The following PDE1C variants were observed in gnomAD, a reference collection of about 807,000 sequenced individuals.
PDE1C encodes phosphodiesterase 1C, also known as dual specificity calcium/calmodulin-dependent 3',5'-cyclic nucleotide phosphodiesterase 1C.
Under a neutral mutation model 93.1 loss-of-function variants are expected in PDE1C, and 62 were observed. The observed-to-expected ratio is 0.67, with a 90% confidence interval of 0.54 to 0.82. The LOEUF (loss-of-function observed/expected upper bound fraction) is 0.82, where lower values mean the gene tolerates loss of function less well. Ranked by LOEUF, PDE1C falls within the 40% of genes least tolerant of loss-of-function variation. The pLI is 0.00. For synonymous variants in PDE1C, 325 were observed against 310.1 expected (o/e 1.05, Z -0.50); for missense variants, 742 against 884.6 (o/e 0.84, Z 2.04).
intron 2 of PDE1C, among the ~76,000 whole-genome samples, chr7:32,189,117 A>G (rs1804066089): frequency 6.6e-6 from 1 of 152,178 alleles, no homozygotes; most frequent in African/African-American, 2.4e-5. Context: ...GCAGTGGATC[A>G]CTATATAGTG....
At chr7:31,709,454 C>G in the PDE1C span, among the ~76,000 whole-genome samples, 2 of 152,170 alleles carry the variant, frequency 1.3e-5, no homozygotes, top group Non-Finnish European at 2.9e-5. Flanking sequence ...TTTAAAGACA[C>G]CTTCAGAGTT....
intron 1 of PDE1C, among the ~76,000 whole-genome samples, chr7:32,387,732 C>T (rs1784665340): frequency 7.5e-6 from 1 of 133,298 alleles, no homozygotes; most frequent in Non-Finnish European, 1.6e-5. Flanking sequence ...CAGAGGGGCT[C>T]CTCACTTCCC....
intron 1 of PDE1C, among the ~76,000 whole-genome samples, chr7:32,388,353 TCTGTCAATCC>T (rs1784680437): frequency 6.6e-6 from 1 of 152,086 alleles, no homozygotes; most frequent in Non-Finnish European, 1.5e-5. Flanking sequence ...TCTGGAGTCA[TCTGTCAATCC>T]CTAGAAGTTT....
intron 1 of PDE1C, among the ~76,000 whole-genome samples, chr7:32,330,424 G>A (rs943353092): frequency 1.3e-5 from 2 of 152,228 alleles, no homozygotes; most frequent in African/African-American, 4.8e-5. Flanking sequence ...AGCTCGCAGT[G>A]CTAAGCACAG....
chr7:31,963,721 G>A (rs1036498764), intron 2 of PDE1C, among the ~76,000 whole-genome samples: 1 of 152,192 alleles, frequency 6.6e-6, no homozygotes, highest in African/African-American at 2.4e-5. Context: ...TTCCTTGCAA[G>A]AGACAGAAAT....
At chr7:32,143,172 A>T (rs1800634406) in intron 3 of PDE1C, among the ~76,000 whole-genome samples, 1 of 151,960 alleles carries the variant, frequency 6.6e-6, no homozygotes, top group Admixed American at 6.6e-5. Flanking sequence ...AGATTTAGAA[A>T]AATGAGTCTG....
At chr7:32,095,670 A>C (rs772364401) in intron 3 of PDE1C, among the ~76,000 whole-genome samples, 1 of 152,218 alleles carries the variant, frequency 6.6e-6, no homozygotes, top group Non-Finnish European at 1.5e-5. Flanking sequence ...TGCTTCTAGC[A>C]TGTGCAATCT....
In PDE1C at chr7:31,753,456, C is replaced by A. The variant is rs746142469; in HGVS notation, c.2058G>T (p.Arg686Ser). ...TGATCCTCTGATCCAGCATCTTGTA[C>A]CTTGCAGGATGCTCATCAGTTTTCT... is the stretch of plus-strand genomic sequence containing the variant. Reference protein sequence around the residue: ...VSKKTDEHPARYKMLDQRIKM... With the variant: ...VSKKTDEHPASYKMLDQRIKM... The change falls in exon 18 of 18, where the codon AGG becomes AGT. Residue 686 changes from arginine to serine, a missense_variant. Transcript: ENST00000396191. The A allele has an allele frequency of 6.2e-7, 1 of 1,612,482 alleles. No individual in the cohort carries two copies. The highest frequency in any genetic ancestry group is 1.3e-5 in the African/African-American group (1 of 74,920).
chr7:31,776,527 G>C (rs531960598), intron 16 of PDE1C, among the ~76,000 whole-genome samples: 1 of 152,064 alleles, frequency 6.6e-6, no homozygotes, highest in Non-Finnish European at 1.5e-5. Flanking sequence ...GCAGAATAAA[G>C]GGACAAAGGG....
upstream of PDE1C, among the ~76,000 whole-genome samples, chr7:32,302,865 A>G (rs1272136726): frequency 1.3e-5 from 2 of 152,224 alleles, no homozygotes; most frequent in Admixed American, 1.3e-4. Flanking sequence ...CCAACAGCCA[A>G]TAGTCCAAGA....
the PDE1C span, chr7:31,651,040 G>A: frequency 1.5e-6 from 2 of 1,355,350 alleles, no homozygotes; most frequent in Non-Finnish European, 2.0e-6. Flanking sequence ...GGGCCTGTTT[G>A]CGAAAAAAGG....
chr7:32,054,072 C>T (rs1047476266), intron 1 of PDE1C, among the ~76,000 whole-genome samples: 21 of 151,162 alleles, frequency 1.4e-4, no homozygotes, highest in Non-Finnish European at 1.9e-4. Flanking sequence ...CTGGCAAGTG[C>T]TAAGGACAGA....
chr7:31,939,376 G>C (rs1805524582), intron 2 of PDE1C, among the ~76,000 whole-genome samples: 1 of 152,144 alleles, frequency 6.6e-6, no homozygotes, highest in African/African-American at 2.4e-5. Context: ...GCTCTCATTT[G>C]ACAAGAGTTA....
intron 3 of PDE1C, among the ~76,000 whole-genome samples, chr7:32,120,492 A>AC (rs1186747605): frequency 6.6e-6 from 1 of 152,062 alleles, no homozygotes; most frequent in Non-Finnish European, 1.5e-5. Context: ...TCAGGTTGGT[A>AC]CCCCACGAGG....
chr7:31,642,017 G>GA, the PDE1C span, among the ~76,000 whole-genome samples: 5 of 152,086 alleles, frequency 3.3e-5, no homozygotes, highest in African/African-American at 9.7e-5. Flanking sequence ...TGACAATCGA[G>GA]AAAAAAATGT....
At chr7:31,921,349 G>C (rs1257991426) in intron 2 of PDE1C, among the ~76,000 whole-genome samples, 9 of 152,172 alleles carry the variant, frequency 5.9e-5, no homozygotes, top group Admixed American at 2.6e-4. Context: ...CTTGTAGTTA[G>C]CGATTCTGAA....
intron 3 of PDE1C, among the ~76,000 whole-genome samples, chr7:32,118,301 G>T (rs1799100194): frequency 6.6e-6 from 1 of 152,116 alleles, no homozygotes; most frequent in Non-Finnish European, 1.5e-5. Context: ...GATCACCGTG[G>T]ACTTAAGGCC....
chr7:31,632,477 C>G, the PDE1C span, among the ~76,000 whole-genome samples: 3 of 151,958 alleles, frequency 2.0e-5, no homozygotes. Context: ...TAAAAATTAT[C>G]CATGACAGGA....
chr7:32,078,903 G>A (rs1796502352), intron 3 of PDE1C, among the ~76,000 whole-genome samples: 1 of 149,500 alleles, frequency 6.7e-6, no homozygotes, highest in South Asian at 2.1e-4. Flanking sequence ...TCCAGCCTTG[G>A]CAACAGAGCA....
Sources: gnomAD v4.1 joint callset for allele counts (sites outside exome capture counted in the v4.1 genomes callset) on GRCh38, gnomAD v4.1.1 for gene constraint, MANE v1.5 for transcripts, NCBI Gene and HGNC (gene_info 2026-07-23, HGNC 2026-07-21) for gene names.